SLC44A2: variants seen among roughly 807,000 people sequenced by gnomAD.
The protein encoded by SLC44A2 is solute carrier family 44 member 2 (CTL2 blood group), also known as choline transporter-like protein 2.
Under a neutral mutation model 90.8 loss-of-function variants are expected in SLC44A2, and 57 were observed. The ratio of observed to expected loss-of-function variants is 0.63; its 90% CI spans 0.51 to 0.78. The LOEUF (loss-of-function observed/expected upper bound fraction) is 0.78. Ranked by LOEUF, SLC44A2 falls within the 30% of genes least tolerant of loss-of-function variation. The pLI is 0.00. For synonymous variants in SLC44A2, 355 were observed against 360.7 expected (o/e 0.98, Z 0.18); for missense variants, 794 against 919.7 (o/e 0.86, Z 1.77).
upstream of SLC44A2, chr19:10,625,424 A>G: frequency 2.5e-6 from 3 of 1,179,400 alleles, no homozygotes; most frequent in African/African-American, 3.2e-5. Context: ...TGGCGGGAGC[A>G]GCTGCAGCCC....
chr19:10,612,902 G>T (rs1032721684), intron 1 of SLC44A2, among the ~76,000 whole-genome samples: 1 of 152,144 alleles, frequency 6.6e-6, no homozygotes, highest in Admixed American at 6.6e-5. Context: ...CAAGGAAAAG[G>T]CCTGGGTTGG....
At chr19:10,628,626 G>A (rs913842976) in intron 4 of SLC44A2, among the ~76,000 whole-genome samples, 3 of 152,170 alleles carry the variant, frequency 2.0e-5, no homozygotes, top group African/African-American at 7.2e-5. Flanking sequence ...AGTCCTTGGG[G>A]ACACACAGCT....
At chr19:10,635,741 T>C (rs2067047543) in intron 14 of SLC44A2, 1 of 441,768 alleles carries the variant, frequency 2.3e-6, no homozygotes. Context: ...GCCTTCACCC[T>C]GGGTGCTAAA....
At chr19:10,604,724 G>T (rs1918052016) in intron 1 of SLC44A2, among the ~76,000 whole-genome samples, 1 of 152,120 alleles carries the variant, frequency 6.6e-6, no homozygotes, top group South Asian at 2.1e-4. Context: ...GGTGGGGGAA[G>T]AATTTTGCAT....
intron 7 of SLC44A2, 38 bp downstream of exon 7, chr19:10,631,573 G>A: frequency 6.2e-7 from 1 of 1,614,016 alleles, no homozygotes; most frequent in Non-Finnish European, 8.5e-7. Context: ...GGTGGTGACG[G>A]GGAGGCTCTG....
chr19:10,633,737 G>A lies in SLC44A2; in HGVS notation c.824-1019G>A, dbSNP rs993596471. ...CTCCCTAAGTGTTGGGATTACAGGCGCAAGCCACTGTGCCTGGCCCATATT... is the reference window on the plus strand; with the variant it reads ...CTCCCTAAGTGTTGGGATTACAGGCACAAGCCACTGTGCCTGGCCCATATT... On this transcript the variant is annotated intron_variant, in intron 10 of 21. Coordinates refer to ENST00000335757, the MANE Select transcript of SLC44A2 (RefSeq NM_020428.4). Among the ~76,000 whole-genome samples, 8 of 152,320 alleles carry A rather than the reference G, an allele frequency of 5.3e-5. No homozygotes were observed. The East Asian group carries it at 7.7e-4, about 15-fold the overall frequency.
At position 10,629,279 on chromosome 19, in the gene SLC44A2, T is replaced by TTATTATTATTATTAC. The variant is rs1236938612; in HGVS notation, c.245+1277_245+1278insTTATTATTATTACTA. Among the ~76,000 whole-genome samples the TTATTATTATTATTAC allele has an allele frequency of 6.7e-5, 10 of 148,596 alleles. No homozygotes were observed. The East Asian group carries it at 7.8e-4, about 12-fold the overall frequency. Reference sequence around the variant, plus strand: ...TTTTAAACTATTATTATTATTATTATTACTATTATTATTTTGAAACGGAAT... The same window carrying TTATTATTATTATTAC: ...TTTTAAACTATTATTATTATTATTATTATTATTATTATTACTACTATTATTATTTTGAAACGGAAT... On this transcript the variant is annotated intron_variant, in intron 4 of 21. Transcript: ENST00000335757.
At chr19:10,627,570 A>C (rs934003615) in intron 2 of SLC44A2, 152 bp from the exon 3 acceptor site, 2 of 679,172 alleles carry the variant, frequency 2.9e-6, no homozygotes, top group Non-Finnish European at 5.1e-6. Context: ...TGAAATAAAA[A>C]TTAAAATGCA....
chr19:10,637,998 A>T, intron 18 of SLC44A2, 25 bp from the exon 19 acceptor site: 1 of 1,614,002 alleles, frequency 6.2e-7, no homozygotes, highest in Non-Finnish European at 8.5e-7. Context: ...CAGCATTCAC[A>T]CCTGCCCCTC....
chr19:10,611,004 T>C (rs1232108506), intron 1 of SLC44A2, among the ~76,000 whole-genome samples: 1 of 151,916 alleles, frequency 6.6e-6, no homozygotes, highest in East Asian at 1.9e-4. Flanking sequence ...TTTATTTATT[T>C]TTAATTTAAA....
intron 4 of SLC44A2, among the ~76,000 whole-genome samples, chr19:10,628,307 C>T (rs1008787323): frequency 1.3e-5 from 2 of 152,166 alleles, no homozygotes; most frequent in Non-Finnish European, 2.9e-5. Flanking sequence ...ATCACTTGAA[C>T]CACAGGAGGC....
chr19:10,634,346 C>A (rs2067030395), intron 10 of SLC44A2, among the ~76,000 whole-genome samples: 2 of 151,210 alleles, frequency 1.3e-5, no homozygotes, highest in Admixed American at 1.3e-4. Context: ...TGCCTGTAAT[C>A]CCAGCTGCTC....
At chr19:10,621,203 T>A (rs1255412942), upstream of SLC44A2, among the ~76,000 whole-genome samples, 1 of 151,702 alleles carries the variant, frequency 6.6e-6, no homozygotes, top group Non-Finnish European at 1.5e-5. Flanking sequence ...AATACAAAAA[T>A]CAGCCAGGCA....
intron 4 of SLC44A2, among the ~76,000 whole-genome samples, chr19:10,629,470 G>A (rs2066970542): frequency 6.6e-6 from 1 of 151,360 alleles, no homozygotes; most frequent in African/African-American, 2.4e-5. Context: ...TAGAGACGGG[G>A]TTTCATCATA....
At chr19:10,616,129 C>A (rs1255900316) in intron 1 of SLC44A2, among the ~76,000 whole-genome samples, 3 of 149,724 alleles carry the variant, frequency 2.0e-5, no homozygotes, top group East Asian at 1.9e-4. Context: ...GACAGTGAGA[C>A]CCTGTCTCCA....
Position 10,634,778 on chromosome 19 carries a change from G to A in SLC44A2, c.846G>A (p.Glu282=), listed in dbSNP as rs146181552. ...LGYGIFHCYM[E]YSRLRGEAGS... ...CAGGAATATTTCACTGCTACATGGA[G>A]TACTCCCGACTGCGTGGTGAGGCCG... Residue 282 remains glutamate (E), a synonymous_variant, in exon 11 of 22, where the codon GAG becomes GAA. Transcript: ENST00000335757. 1 of 1,614,042 alleles carries A rather than the reference G, an allele frequency of 6.2e-7. No individual in the cohort carries two copies. Among genetic ancestry groups the A allele is most frequent in the African/African-American group, 1.3e-5 (1 of 74,932 alleles).
At chr19:10,626,170 A>T in intron 1 of SLC44A2, 83 bp from the exon 2 acceptor site, 1 of 1,129,154 alleles carries the variant, frequency 8.9e-7, no homozygotes, top group Non-Finnish European at 1.4e-6. Flanking sequence ...AGACACCCCT[A>T]GGGGCTTTTG....
rs1486192963 is a variant in SLC44A2 at position 10,631,865 on chromosome 19, C to G, written c.627-3C>G. On this transcript the variant is annotated splice_region_variant and splice_polypyrimidine_tract_variant and intron_variant, in intron 8 of 21. Coordinates refer to ENST00000335757, the MANE Select transcript of SLC44A2 (RefSeq NM_020428.4). ...GACCCGAGCCTTGTCCTCCTTCCCC[C>G]AGGAAAGCCAATGGAGTCCTAGAGG... is the stretch of plus-strand genomic sequence containing the variant. 4 of 1,614,242 alleles carry G rather than the reference C, an allele frequency of 2.5e-6. No homozygotes were observed. Among genetic ancestry groups the G allele is most frequent in the African/African-American group, 2.7e-5 (2 of 75,072 alleles).
Position 10,636,544 on chromosome 19 carries a change from G to A in SLC44A2, c.1455G>A (p.Leu485=). The change falls in exon 15 of 22, where the codon CTG becomes CTA. Residue 485 remains leucine, a synonymous_variant. Transcript: ENST00000335757. ...GGGCCCTGCGCAAGCCGGACGACCT[G>A]CCGGCCTTCCCGCTCTTCTCTGCCT... ...YYWALRKPDD[L]PAFPLFSAFG... is the part of the protein sequence containing the mutation. 6.2e-7 allele frequency: 1 copy of A among 1,608,424 alleles called. No homozygotes were observed.
Sources: allele counts gnomAD v4.1 joint callset (sites outside exome capture counted in the v4.1 genomes callset), GRCh38; gene constraint gnomAD v4.1.1; transcripts MANE v1.5; gene names NCBI Gene and HGNC (gene_info 2026-07-23, HGNC 2026-07-21).